Variants in BAIAP3 observed in about 807,000 individuals in gnomAD.
BAIAP3 encodes BAI1 associated protein 3.
Under a neutral mutation model 149.7 loss-of-function variants are expected in BAIAP3, and 180 were observed. That is an observed-to-expected ratio of 1.20 (90% CI 1.07 to 1.36). The LOEUF is 1.36. Ranked by LOEUF, BAIAP3 falls within the 40% of genes most tolerant of loss-of-function variation. The pLI is 0.00. For missense variants in BAIAP3, 1,767 were observed against 1,563.4 expected (o/e 1.13, Z -2.20); for synonymous variants, 845 against 670.7 (o/e 1.26, Z -4.02).
At chr16:1,346,752 G>C (rs924776439) in intron 27 of BAIAP3, 68 bp downstream of exon 27, 18 of 1,523,270 alleles carry the variant, frequency 1.2e-5, no homozygotes, top group Non-Finnish European at 1.6e-5. Flanking sequence ...GCAGGGTGCC[G>C]GAGGCCCTGT....
intron 1 of BAIAP3, among the ~76,000 whole-genome samples, chr16:1,336,736 A>C (rs939012284): frequency 1.3e-5 from 2 of 152,206 alleles, no homozygotes; most frequent in African/African-American, 4.8e-5. Flanking sequence ...CTGGCCTGGC[A>C]TGCAGGGCCA....
intron 6 of BAIAP3, 55 bp from the exon 7 acceptor site, chr16:1,341,074 G>A: frequency 1.2e-6 from 2 of 1,611,126 alleles, no homozygotes; most frequent in South Asian, 2.2e-5. Context: ...TGCTAAGTAG[G>A]GCATCTGGGG....
intron 1 of BAIAP3, among the ~76,000 whole-genome samples, chr16:1,336,935 G>A (rs1303594058): frequency 6.6e-6 from 1 of 152,222 alleles, no homozygotes; most frequent in Non-Finnish European, 1.5e-5. Context: ...GGGGGGCTGG[G>A]GGAGCGCGGT....
Position 1,348,502 on chromosome 16 carries a change from C to G in BAIAP3, c.*20C>G. The G allele has an allele frequency of 1.3e-6, 2 of 1,585,958 alleles. No homozygotes were observed. The highest frequency in any genetic ancestry group is 1.7e-6 in the Non-Finnish European group (2 of 1,167,002). ...CCCTGAGTCCATCAGCTGCCAGCCC[C>G]GGCCCTGGCCCCCACCCCAAGTTCC... On this transcript the variant is annotated 3_prime_UTR_variant, in exon 34 of 34. Transcript: ENST00000426824.
intron 26 of BAIAP3, 41 bp from the exon 27 acceptor site, chr16:1,346,564 G>A (rs369696559): frequency 6.3e-7 from 1 of 1,575,316 alleles, no homozygotes; most frequent in Non-Finnish European, 8.6e-7. Context: ...GGGTAGGGCA[G>A]AGGTGCGGGG....
intron 28 of BAIAP3, 49 bp from the exon 29 acceptor site, chr16:1,347,249 C>A (rs755580327): frequency 1.3e-6 from 2 of 1,586,098 alleles, no homozygotes; most frequent in East Asian, 2.3e-5. Context: ...TACCTGTCCC[C>A]AGCACAAGCC....
rs1291044757 is a variant in BAIAP3 at position 1,342,206 on chromosome 16, G to A, written c.880G>A (p.Ala294Thr). Residue 294 changes from alanine (A) to threonine (T), a missense_variant, in exon 11 of 34, where the codon GCC becomes ACC. Coordinates refer to ENST00000426824, the MANE Select transcript of BAIAP3 (RefSeq NM_001199097.2). The stretch of plus-strand genomic sequence containing the variant: ...GTACTTCAAACAGATCGTCAAGTCA[G>A]CCCGCGCAAACGGGACAGCAGGACC... ...GRYFKQIVKSARANGTAGPTE... is the reference protein window; with the variant it reads ...GRYFKQIVKSTRANGTAGPTE... The A allele has an allele frequency of 6.2e-7, 1 of 1,609,030 alleles. No homozygotes were observed. The highest frequency in any genetic ancestry group is 1.7e-5 in the Admixed American group (1 of 59,770).
intron 1 of BAIAP3, among the ~76,000 whole-genome samples, chr16:1,337,988 C>G (rs1567157435): frequency 6.6e-6 from 1 of 152,210 alleles, no homozygotes; most frequent in Non-Finnish European, 1.5e-5. Context: ...TCCAGGGCCT[C>G]CTGGCCACAT....
chr16:1,346,333 A>T lies in BAIAP3; in HGVS notation c.2465A>T (p.His822Leu). The T allele has an allele frequency of 2.5e-6, 4 of 1,604,694 alleles. No homozygotes were observed. Among genetic ancestry groups the T allele is most frequent in the Non-Finnish European group, 3.4e-6 (4 of 1,173,484 alleles). Reference sequence around the variant, plus strand: ...GACGATGATCTGCAACGGGAGGCCCACACGGTGACAGCGCACCTGACCTCT... The same window carrying T: ...GACGATGATCTGCAACGGGAGGCCCTCACGGTGACAGCGCACCTGACCTCT... ...ALDDDLQREA[H>L]TVTAHLTSKM... Residue 822 changes from histidine to leucine, a missense_variant, in exon 25 of 34, where the codon CAC becomes CTC. His to Leu is a moderately conservative substitution (Grantham distance 99, BLOSUM62 -3). Coordinates refer to ENST00000426824, the MANE Select transcript of BAIAP3 (RefSeq NM_001199097.2).
chr16:1,342,349 AG>A (rs1487777323), intron 11 of BAIAP3, 66 bp downstream of exon 11: 1 of 1,536,462 alleles, frequency 6.5e-7, no homozygotes. Context: ...CCAGCCTTCA[AG>A]GGGCAGGGCA....
chr16:1,344,414 C>T lies in BAIAP3; in HGVS notation c.1603-55C>T, dbSNP rs1567167424. On this transcript the variant is annotated intron_variant, in intron 17 of 33. Transcript: ENST00000426824. ...CACCTCTGCACCACGGTCTCTTGCC[C>T]ACCTCTTCCTCTTCCCTGCAATCCA... 2.7e-5 allele frequency: 43 copies of T among 1,611,474 alleles called. No homozygotes were observed. The South Asian group carries it at 3.3e-4, about 12-fold the overall frequency.
In BAIAP3 at chr16:1,348,623, C is replaced by A; in HGVS notation, c.*141C>A. On this transcript the variant is annotated 3_prime_UTR_variant, in exon 34 of 34. Coordinates refer to ENST00000426824, the MANE Select transcript of BAIAP3 (RefSeq NM_001199097.2). ...GACGTGTGTGTCGTGGCTGGCCCCGCGGCGCCTACCGCCCTGGCCGTGTCT... is the reference window on the plus strand; with the variant it reads ...GACGTGTGTGTCGTGGCTGGCCCCGAGGCGCCTACCGCCCTGGCCGTGTCT... 1.2e-6 allele frequency: 1 copy of A among 800,436 alleles called. No homozygotes were observed. The highest frequency in any genetic ancestry group is 2.0e-6 in the Non-Finnish European group (1 of 496,282). The allele number at this position is 800,436 out of a possible 1,614,324, so 49.6% of individuals were successfully genotyped here. A position where few individuals can be genotyped will look rare whatever the true frequency, so the allele number is the denominator to read the frequency against.
intron 8 of BAIAP3, 24 bp downstream of exon 8, chr16:1,341,513 G>A: frequency 1.3e-6 from 2 of 1,592,896 alleles, no homozygotes; most frequent in East Asian, 4.5e-5. Context: ...CCGTCTGGGT[G>A]CGGGAGGGGG....
chr16:1,339,420 T>C, intron 4 of BAIAP3, 76 bp from the exon 5 acceptor site: 5 of 1,499,664 alleles, frequency 3.3e-6, no homozygotes, highest in Non-Finnish European at 4.6e-6. Context: ...GGGCCTGGGC[T>C]CAGGCAGACA....
In BAIAP3 at chr16:1,337,432, C is replaced by G. The variant is rs532023826; in HGVS notation, c.-10-1108C>G. 1.2e-4 allele frequency among the ~76,000 whole-genome samples: 18 copies of G among 152,342 alleles called. No homozygotes were observed. The East Asian group carries it at 3.5e-3, about 29-fold the overall frequency. The stretch of plus-strand genomic sequence containing the variant: ...ACTTGGGAGGCTGAGGCAGGAGAAT[C>G]GCTTGAACCTGGAAGGCGGAGGTTG... On this transcript the variant is annotated intron_variant, in intron 1 of 33. Coordinates refer to ENST00000426824, the MANE Select transcript of BAIAP3 (RefSeq NM_001199097.2).
rs1213778714 is a variant in BAIAP3, at chr16:1,345,238, T to G, written c.1941-11T>G. On this transcript the variant is annotated splice_polypyrimidine_tract_variant and intron_variant, in intron 21 of 33. Transcript: ENST00000426824. ...AGTCAGGGCCGAGCCCTCACAACCC[T>G]CCCACCACAGGGACAGCCGCTCTCT... 1.9e-6 allele frequency: 3 copies of G among 1,612,314 alleles called. No individual in the cohort carries two copies. The highest frequency in any genetic ancestry group is 1.7e-5 in the Admixed American group (1 of 59,988).
intron 22 of BAIAP3, 54 bp downstream of exon 22, chr16:1,345,426 C>G: frequency 6.5e-7 from 1 of 1,527,722 alleles, no homozygotes. Context: ...CCCCAGCCTC[C>G]CCCGCCTCCC....
chr16:1,345,479 TCCCCAGCCTCCCCCTCAA>T (rs1402908848), intron 22 of BAIAP3, 107 bp downstream of exon 22: 4 of 955,402 alleles, frequency 4.2e-6, no homozygotes, highest in African/African-American at 3.5e-5. Flanking sequence ...CTCCTCCGCC[TCCCCAGCCTCCCCCTCAA>T]CCCCAGCCTC....
At chr16:1,346,986 G>A (rs530995143) in intron 28 of BAIAP3, 31 bp downstream of exon 28, 113 of 1,560,406 alleles carry the variant, frequency 7.2e-5, no homozygotes, top group Admixed American at 2.0e-4. Flanking sequence ...CCTCCCCGCC[G>A]GCCCCCGCCT....
Sources: gnomAD v4.1 joint callset for allele counts (sites outside exome capture counted in the v4.1 genomes callset) on GRCh38, gnomAD v4.1.1 for gene constraint, MANE v1.5 for transcripts, NCBI Gene and HGNC (gene_info 2026-07-23, HGNC 2026-07-21) for gene names.